FGF14: variants seen among roughly 807,000 people sequenced by gnomAD.
The protein encoded by FGF14 is fibroblast growth factor 14, also known as fibroblast growth factor homologous factor 4.
A neutral mutation model predicts 25.5 loss-of-function variants in FGF14; 5 were observed. That is an observed-to-expected ratio of 0.20 (90% CI 0.10 to 0.41). FGF14 has a LOEUF of 0.41. FGF14 is among the 10% of genes least tolerant of loss of function. The probability of loss-of-function intolerance (pLI) is 1.00; values close to 1 mark genes in which losing one functional copy is unlikely to be tolerated. For missense variants in FGF14, 222 were observed against 320.1 expected (o/e 0.69, Z 2.34); for synonymous variants, 138 against 118.3 (o/e 1.17, Z -1.08).
intron 3 of FGF14, among the ~76,000 whole-genome samples, chr13:101,835,238 T>A (rs754448366): frequency 6.6e-5 from 10 of 151,994 alleles, no homozygotes; most frequent in South Asian, 2.1e-4. Context: ...GGTGTGTGTG[T>A]GAGAGAGAGA....
intron 1 of FGF14, among the ~76,000 whole-genome samples, chr13:101,904,234 G>A (rs993208162): frequency 1.2e-4 from 18 of 152,288 alleles, no homozygotes; most frequent in South Asian, 2.1e-4. Context: ...TACCAGCACC[G>A]ACCACACCAT....
intron 1 of FGF14, among the ~76,000 whole-genome samples, chr13:102,221,623 A>ACAC (rs1555381644): frequency 8.0e-5 from 12 of 149,998 alleles, no homozygotes; most frequent in African/African-American, 2.7e-4. Context: ...CAAACACACA[A>ACAC]ACACACACAC....
chr13:101,801,619 T>C (rs1377857665), intron 3 of FGF14, among the ~76,000 whole-genome samples: 1 of 152,140 alleles, frequency 6.6e-6, no homozygotes, highest in African/African-American at 2.4e-5. Flanking sequence ...GAAGTGGTAA[T>C]AGAAAGAAGT....
At chr13:102,247,689 C>T (rs1594571259) in intron 1 of FGF14, among the ~76,000 whole-genome samples, 1 of 152,126 alleles carries the variant, frequency 6.6e-6, no homozygotes, top group Non-Finnish European at 1.5e-5. Flanking sequence ...GGTGATTCCT[C>T]AAAGAGCTAA....
At chr13:102,152,259 G>C (rs952759344) in intron 1 of FGF14, among the ~76,000 whole-genome samples, 2 of 152,158 alleles carry the variant, frequency 1.3e-5, no homozygotes, top group African/African-American at 4.8e-5. Flanking sequence ...CAAAGCAAAG[G>C]CTTCACTGGT....
At chr13:101,908,547 C>T (rs1434787914) in intron 1 of FGF14, among the ~76,000 whole-genome samples, 1 of 152,022 alleles carries the variant, frequency 6.6e-6, no homozygotes, top group Admixed American at 6.5e-5. Context: ...ATTATTGGAC[C>T]TCTTCAAAGA....
intron 3 of FGF14, among the ~76,000 whole-genome samples, chr13:101,768,570 C>T (rs1055837586): frequency 2.6e-5 from 4 of 152,176 alleles, no homozygotes; most frequent in African/African-American, 9.6e-5. Context: ...TCAAGACTCA[C>T]TATACAGTTA....
At chr13:102,354,234 A>T (rs976655081) in intron 1 of FGF14, 1 of 152,242 alleles carries the variant, frequency 6.6e-6, no homozygotes, top group African/African-American at 2.4e-5. Flanking sequence ...TGCGGGACAA[A>T]GGACAGAACT....
At chr13:102,329,635 C>T (rs1384616136) in intron 1 of FGF14, among the ~76,000 whole-genome samples, 1 of 152,124 alleles carries the variant, frequency 6.6e-6, no homozygotes, top group Non-Finnish European at 1.5e-5. Flanking sequence ...TTCCTTGCAT[C>T]TTTCCTCCAA....
chr13:102,160,195 C>T (rs2047557105), intron 1 of FGF14, among the ~76,000 whole-genome samples: 1 of 152,146 alleles, frequency 6.6e-6, no homozygotes, highest in South Asian at 2.1e-4. Flanking sequence ...TCAAAGACAG[C>T]ACATGATGTG....
At chr13:102,097,561 G>T (rs572014903) in intron 1 of FGF14, among the ~76,000 whole-genome samples, 8 of 152,218 alleles carry the variant, frequency 5.3e-5, no homozygotes, top group African/African-American at 1.9e-4. Flanking sequence ...TGGTCCAAGT[G>T]ATTAAAGAGT....
intron 1 of FGF14, among the ~76,000 whole-genome samples, chr13:102,227,578 T>C (rs1031847503): frequency 7.2e-5 from 11 of 152,166 alleles, no homozygotes; most frequent in Non-Finnish European, 1.5e-4. Context: ...GTGTACACCA[T>C]GAATATTACT....
chr13:102,325,093 T>C (rs1249378158), intron 1 of FGF14, among the ~76,000 whole-genome samples: 2 of 151,276 alleles, frequency 1.3e-5, no homozygotes, highest in Non-Finnish European at 2.9e-5. Context: ...AAAGAGAAAA[T>C]GCTCAAAGGA....
At chr13:102,380,601 A>G (rs2058160293) in intron 1 of FGF14, among the ~76,000 whole-genome samples, 1 of 152,152 alleles carries the variant, frequency 6.6e-6, no homozygotes, top group Admixed American at 6.5e-5. Context: ...GCAGCAGGAG[A>G]GGCTGGTCTG....
chr13:101,793,875 C>T (rs1204238746), intron 3 of FGF14, among the ~76,000 whole-genome samples: 7 of 151,810 alleles, frequency 4.6e-5, no homozygotes, highest in Non-Finnish European at 1.0e-4. Flanking sequence ...AATCAATTAG[C>T]TATATATATA....
At chr13:102,094,275 A>T (rs534895758) in intron 1 of FGF14, among the ~76,000 whole-genome samples, 30 of 152,358 alleles carry the variant, frequency 2.0e-4, no homozygotes, top group African/African-American at 6.7e-4. Flanking sequence ...ATGACAACTT[A>T]ATAAAGGAAG....
chr13:101,834,639 C>A (rs1002341093), intron 3 of FGF14, among the ~76,000 whole-genome samples: 5 of 152,030 alleles, frequency 3.3e-5, no homozygotes, highest in African/African-American at 1.2e-4. Context: ...CCATTCTCAA[C>A]AGGACAATCA....
At chr13:102,352,850 C>A (rs1417670316) in intron 1 of FGF14, among the ~76,000 whole-genome samples, 2 of 151,606 alleles carry the variant, frequency 1.3e-5, no homozygotes, top group East Asian at 3.9e-4. Flanking sequence ...ATATAGTTAG[C>A]CAGAAAACAA....
At chr13:102,217,784 C>T (rs1447814125) in intron 1 of FGF14, among the ~76,000 whole-genome samples, 2 of 152,110 alleles carry the variant, frequency 1.3e-5, no homozygotes, top group African/African-American at 4.8e-5. Context: ...ACCGGTGAAG[C>T]GCTACAGCTG....
Sources: allele counts gnomAD v4.1 joint callset (sites outside exome capture counted in the v4.1 genomes callset), GRCh38; gene constraint gnomAD v4.1.1; transcripts MANE v1.5; gene names NCBI Gene and HGNC (gene_info 2026-07-23, HGNC 2026-07-21).